CUBN: variants seen among roughly 807,000 people sequenced by gnomAD.
CUBN encodes the protein cubilin.
A neutral mutation model predicts 405.3 loss-of-function variants in CUBN; 282 were observed. The ratio of observed to expected loss-of-function variants is 0.70; its 90% CI spans 0.63 to 0.77. The LOEUF is 0.77. Among genes scored for constraint, CUBN ranks in the 30% least tolerant of loss-of-function variants. CUBN has a pLI of 0.00. For synonymous variants in CUBN, 1,684 were observed against 1,617.0 expected (o/e 1.04, Z -0.99); for missense variants, 4,514 against 4,475.2 (o/e 1.01, Z -0.25).
intron 36 of CUBN, among the ~76,000 whole-genome samples, chr10:16,945,980 A>G (rs955055818): frequency 4.6e-5 from 7 of 152,150 alleles, no homozygotes; most frequent in African/African-American, 1.7e-4. Context: ...CATATTTTTA[A>G]TCAGTTCCTG....
intron 28 of CUBN, among the ~76,000 whole-genome samples, chr10:17,007,231 C>T (rs551473988): frequency 6.0e-5 from 9 of 151,016 alleles, no homozygotes; most frequent in Admixed American, 2.6e-4. Flanking sequence ...TGAATTCAGC[C>T]GCTGGACAAT....
At chr10:17,022,937 T>C (rs568527967) in intron 27 of CUBN, among the ~76,000 whole-genome samples, 2 of 152,326 alleles carry the variant, frequency 1.3e-5, no homozygotes, top group South Asian at 4.1e-4. Flanking sequence ...TCTCCATAAC[T>C]ATAATCACCC....
At chr10:17,003,673 C>T (rs1833946914) in intron 28 of CUBN, among the ~76,000 whole-genome samples, 1 of 152,136 alleles carries the variant, frequency 6.6e-6, no homozygotes, top group Non-Finnish European at 1.5e-5. Context: ...GAGAATGCGG[C>T]AATTGATCTA....
At chr10:17,115,643 C>A (rs1470989026) in intron 6 of CUBN, 46 bp from the exon 7 acceptor site, 1 of 1,606,998 alleles carries the variant, frequency 6.2e-7, no homozygotes, top group Non-Finnish European at 8.5e-7. Flanking sequence ...CGCTTTGGGG[C>A]CAGTGCCTGT....
chr10:17,129,113 T>A lies in CUBN; in HGVS notation c.252+8A>T. 6.2e-7 allele frequency: 1 copy of A among 1,609,280 alleles called. No individual in the cohort carries two copies. The highest frequency in any genetic ancestry group is 8.5e-7 in the Non-Finnish European group (1 of 1,175,774). ...CAAAATGACTTCAATATATTTCCAG[T>A]GTATTACCTGATGTAAACACTCACT... On this transcript the variant is annotated splice_region_variant and intron_variant, in intron 2 of 66. Transcript: ENST00000377833.
In CUBN at chr10:16,888,551, A is replaced by T; in HGVS notation, c.8771T>A (p.Phe2924Tyr). ...ASFVSRCGSNFTGPSGYIISP... is the reference protein window; with the variant it reads ...ASFVSRCGSNYTGPSGYIISP... ...AATGATGTAACCTGAAGGGCCAGTG[A>T]AATTACTTCCACATCCTATGTGGGA... Residue 2924 changes from phenylalanine to tyrosine, a missense_variant, in exon 56 of 67, where the codon TTC (phenylalanine) becomes TAC (tyrosine). Physicochemically the swap from Phe to Tyr is conservative, Grantham distance 22. Transcript: ENST00000377833. The T allele has an allele frequency of 6.2e-7, 1 of 1,613,738 alleles. No individual in the cohort carries two copies. The highest frequency in any genetic ancestry group is 1.1e-5 in the South Asian group (1 of 91,074).
intron 27 of CUBN, 144 bp downstream of exon 27, chr10:17,040,889 G>A: frequency 4.2e-6 from 3 of 721,310 alleles, no homozygotes; most frequent in Middle Eastern, 3.8e-4. Context: ...AAATATACCT[G>A]TTCAAATACC....
At chr10:17,036,475 G>A (rs1229350890) in intron 27 of CUBN, among the ~76,000 whole-genome samples, 1 of 152,096 alleles carries the variant, frequency 6.6e-6, no homozygotes, top group Non-Finnish European at 1.5e-5. Flanking sequence ...CCTGTGTGTG[G>A]GGAGGTGTGA....
rs78036035 is a variant in CUBN at position 17,109,984 on chromosome 10, T to C, written c.1016-249A>G. ...ATGAAAAAAATATGTATAAAACTAC[T>C]GGTAGACTTAGAAAGTGCTGACACT... On this transcript the variant is annotated intron_variant, in intron 9 of 66. Coordinates refer to ENST00000377833, the MANE Select transcript of CUBN (RefSeq NM_001081.4). Among the ~76,000 whole-genome samples the C allele has an allele frequency of 4.1e-3, 628 of 152,338 alleles. 5 individuals carry two copies. The highest frequency in any genetic ancestry group is 0.013 in the African/African-American group (552 of 41,572).
In CUBN at chr10:16,956,856, T is replaced by C. The variant is rs182366901; in HGVS notation, c.4696-2308A>G. Among the ~76,000 whole-genome samples the C allele has an allele frequency of 3.9e-3, 598 of 152,258 alleles. 1 individual carries two copies. Among genetic ancestry groups the C allele is most frequent in the Admixed American group, 6.3e-3 (96 of 15,290 alleles). On this transcript the variant is annotated intron_variant, in intron 31 of 66. Coordinates refer to ENST00000377833, the MANE Select transcript of CUBN (RefSeq NM_001081.4). The stretch of plus-strand genomic sequence containing the variant: ...AGTTTAAGATTCAATTTTATGAATA[T>C]ATACAGTTTATATTTATTTTTTATT...
chr10:16,930,012 A>G (rs10904838), intron 40 of CUBN, among the ~76,000 whole-genome samples: 13,828 of 152,200 alleles, frequency 0.091, 1,136 homozygotes, highest in African/African-American at 0.22. Context: ...TTACTTGCCC[A>G]TCCACCCCTT....
chr10:16,918,630 T>C lies in CUBN; in HGVS notation c.6992A>G (p.Tyr2331Cys), dbSNP rs1297949538. 2 of 1,613,192 alleles carry C rather than the reference T, an allele frequency of 1.2e-6. No individual in the cohort carries two copies. Among genetic ancestry groups the C allele is most frequent in the Admixed American group, 3.3e-5 (2 of 59,994 alleles). ...SPTHVGFKAK[Y>C]SIAQCGGRVP... is the part of the protein sequence containing the mutation. Reference sequence around the variant, plus strand: ...TTTAAAAAAATTATTACCTATAGAATACTTGGCCTTGAATCCCACATGTGT... The same window carrying C: ...TTTAAAAAAATTATTACCTATAGAACACTTGGCCTTGAATCCCACATGTGT... Residue 2331 changes from tyrosine (Y) to cysteine (C), a missense_variant, in exon 45 of 67, where the codon TAT (tyrosine) becomes TGT (cysteine). Transcript: ENST00000377833.
At chr10:16,848,980 A>C (rs536676859) in intron 60 of CUBN, among the ~76,000 whole-genome samples, 1 of 152,150 alleles carries the variant, frequency 6.6e-6, no homozygotes, top group East Asian at 1.9e-4. Context: ...CTGGGATTAC[A>C]GACGTGAGTC....
intron 59 of CUBN, among the ~76,000 whole-genome samples, chr10:16,864,646 T>A: frequency 7.0e-6 from 1 of 143,506 alleles, no homozygotes; most frequent in Non-Finnish European, 1.5e-5. Flanking sequence ...GCCATATGTC[T>A]TTTTTTCTTT....
intron 51 of CUBN, 128 bp from the exon 52 acceptor site, chr10:16,901,587 C>G: frequency 3.2e-6 from 4 of 1,254,130 alleles, no homozygotes; most frequent in Non-Finnish European, 4.5e-6. Flanking sequence ...GGCATGGTGG[C>G]TCACGCCAGT....
At chr10:16,951,959 C>T (rs991800511) in intron 33 of CUBN, among the ~76,000 whole-genome samples, 7 of 152,104 alleles carry the variant, frequency 4.6e-5, no homozygotes, top group East Asian at 1.9e-4. Context: ...CAATCTCATA[C>T]GCCTGCATAC....
intron 30 of CUBN, among the ~76,000 whole-genome samples, 195 bp from the exon 31 acceptor site, chr10:16,982,848 G>A (rs895670433): frequency 8.5e-5 from 13 of 152,102 alleles, no homozygotes; most frequent in Admixed American, 6.6e-5. Flanking sequence ...ATGATACTAA[G>A]AAAATACTTC....
intron 28 of CUBN, among the ~76,000 whole-genome samples, chr10:16,991,874 A>T (rs988233727): frequency 4.6e-5 from 7 of 152,182 alleles, no homozygotes; most frequent in African/African-American, 1.7e-4. Context: ...CATTTGACCC[A>T]GCCATCCCAT....
intron 31 of CUBN, among the ~76,000 whole-genome samples, chr10:16,979,608 A>G (rs2131689359): frequency 6.6e-6 from 1 of 152,342 alleles, no homozygotes; most frequent in East Asian, 1.9e-4. Context: ...TCCCTATTTA[A>G]TAAATGGTGT....
Sources: gnomAD v4.1 joint callset for allele counts (sites outside exome capture counted in the v4.1 genomes callset) on GRCh38, gnomAD v4.1.1 for gene constraint, MANE v1.5 for transcripts, NCBI Gene and HGNC (gene_info 2026-07-23, HGNC 2026-07-21) for gene names.